Variants in RANBP2 observed in about 807,000 individuals in gnomAD.
The protein encoded by RANBP2 is E3 SUMO-protein ligase RanBP2.
Under a neutral mutation model 303.6 loss-of-function variants are expected in RANBP2, and 57 were observed. The observed-to-expected ratio is 0.19, with a 90% CI of 0.15 to 0.23. The LOEUF (loss-of-function observed/expected upper bound fraction) is 0.23. RANBP2 is among the 10% of genes least tolerant of loss of function. RANBP2 has a pLI of 1.00. For synonymous variants in RANBP2, 1,167 were observed against 1,301.5 expected (o/e 0.90, Z 2.23); for missense variants, 3,138 against 3,780.8 (o/e 0.83, Z 4.46).
At chr2:108,927,502 TAG>T in the RANBP2 span, among the ~76,000 whole-genome samples, 3 of 152,168 alleles carry the variant, frequency 2.0e-5, no homozygotes. Flanking sequence ...CTTCAGGCCA[TAG>T]AGTCAGCCCT....
the RANBP2 span, among the ~76,000 whole-genome samples, chr2:109,493,877 A>C: frequency 0.057 from 8,666 of 152,146 alleles, 340 homozygotes; most frequent in East Asian, 0.23. Flanking sequence ...CACACAACAC[A>C]CACCCACCTT....
chr2:109,661,246 CTT>C, the RANBP2 span, among the ~76,000 whole-genome samples: 26,146 of 137,684 alleles, frequency 0.19, 2,505 homozygotes, highest in Non-Finnish European at 0.23. Flanking sequence ...AGTAGAAGGG[CTT>C]TTTTTTTTTT....
At chr2:109,133,916 T>C in the RANBP2 span, among the ~76,000 whole-genome samples, 1 of 152,024 alleles carries the variant, frequency 6.6e-6, no homozygotes, top group African/African-American at 2.4e-5. Flanking sequence ...CTCTGGTGGG[T>C]GTGGGTGACT....
the RANBP2 span, among the ~76,000 whole-genome samples, chr2:109,406,493 A>G: frequency 2.0e-5 from 3 of 152,094 alleles, no homozygotes; most frequent in Non-Finnish European, 2.9e-5. Flanking sequence ...CACTCATACT[A>G]TGAGTCACCG....
At chr2:109,468,674 T>G in the RANBP2 span, among the ~76,000 whole-genome samples, 2 of 151,620 alleles carry the variant, frequency 1.3e-5, no homozygotes, top group Non-Finnish European at 2.9e-5. Flanking sequence ...GCCAACATGG[T>G]GAAACCCTGT....
At chr2:109,216,230 C>T in the RANBP2 span, among the ~76,000 whole-genome samples, 1 of 152,198 alleles carries the variant, frequency 6.6e-6, no homozygotes, top group African/African-American at 2.4e-5. Context: ...GCCTCCCTGC[C>T]TGCTTCCAGG....
At chr2:108,920,206 G>A in the RANBP2 span, among the ~76,000 whole-genome samples, 4 of 152,314 alleles carry the variant, frequency 2.6e-5, no homozygotes, top group East Asian at 5.8e-4. Flanking sequence ...AGTGCCTGGC[G>A]CCTGGCACTG....
chr2:108,768,201 A>G lies in RANBP2; in HGVS notation c.7662A>G (p.Lys2554=). ...GATTTAGTTTTAATGCACCTTTGAA[A>G]AGTAACAATAGTGAAACTAGTTCAG... The part of the protein sequence containing the change: ...LFGFSFNAPL[K]SNNSETSSVA... Residue 2554 remains lysine, a synonymous_variant, in exon 20 of 29, where the codon AAA becomes AAG. Coordinates refer to ENST00000283195, the MANE Select transcript of RANBP2 (RefSeq NM_006267.5). The G allele has an allele frequency of 1.2e-6, 2 of 1,612,026 alleles. No individual in the cohort carries two copies. The highest frequency in any genetic ancestry group is 2.2e-5 in the East Asian group (1 of 44,882).
chr2:108,764,791 C>T lies in RANBP2; in HGVS notation c.4252C>T (p.His1418Tyr). The part of the protein sequence containing the change: ...FALVTPKKEG[H>Y]WDCSICLVRN... ...ATTGGTGACTCCAAAGAAAGAAGGT[C>T]ACTGGGATTGTAGTATTTGTTTAGT... The change falls in exon 20 of 29, where the codon CAC becomes TAC. Residue 1418 changes from histidine (H) to tyrosine (Y), a missense_variant. By Grantham distance (83) the His-to-Tyr change is moderately conservative. Coordinates refer to ENST00000283195, the MANE Select transcript of RANBP2 (RefSeq NM_006267.5). The T allele has an allele frequency of 6.2e-7, 1 of 1,613,994 alleles. No individual in the cohort carries two copies. Among genetic ancestry groups the T allele is most frequent in the East Asian group, 2.2e-5 (1 of 44,874 alleles).
the RANBP2 span, among the ~76,000 whole-genome samples, chr2:109,103,692 G>C: frequency 1.3e-5 from 2 of 152,168 alleles, no homozygotes; most frequent in Admixed American, 6.5e-5. Flanking sequence ...TTCCTGTTCA[G>C]ACCTTTAAAA....
At chr2:109,054,362 T>A in the RANBP2 span, among the ~76,000 whole-genome samples, 1 of 152,186 alleles carries the variant, frequency 6.6e-6, no homozygotes, top group Non-Finnish European at 1.5e-5. Flanking sequence ...CATCTTTGTT[T>A]TTTTAAATTG....
chr2:109,489,296 G>A, the RANBP2 span, among the ~76,000 whole-genome samples: 2 of 152,226 alleles, frequency 1.3e-5, no homozygotes, highest in African/African-American at 2.4e-5. Context: ...ACCCTTCACC[G>A]GGCACTAAGC....
chr2:108,998,588 A>C, the RANBP2 span, among the ~76,000 whole-genome samples: 1 of 152,024 alleles, frequency 6.6e-6, no homozygotes, highest in African/African-American at 2.4e-5. Context: ...CCTGCTTCTG[A>C]CTTTCTCTTC....
the RANBP2 span, among the ~76,000 whole-genome samples, chr2:108,952,823 T>C: frequency 2.6e-5 from 4 of 152,242 alleles, no homozygotes; most frequent in African/African-American, 7.2e-5. Flanking sequence ...CTACTTTAAA[T>C]AGCACTGAGT....
At position 108,766,659 on chromosome 2, in the gene RANBP2, A is replaced by G. The variant is rs1056562628; in HGVS notation, c.6120A>G (p.Val2040=). 9.9e-6 allele frequency: 16 copies of G among 1,611,898 alleles called. No homozygotes were observed. The African/African-American group carries it at 2.0e-4, about 20-fold the overall frequency. Residue 2040 remains valine (V), a synonymous_variant, in exon 20 of 29, where the codon GTA becomes GTG. Coordinates refer to ENST00000283195, the MANE Select transcript of RANBP2 (RefSeq NM_006267.5). The part of the protein sequence containing the change: ...EDEKVLYSQR[V]KLFRFDAEVS... ...AAAAAGTTCTGTATTCACAGCGGGT[A>G]AAACTATTTAGATTTGATGCTGAGG...
the RANBP2 span, among the ~76,000 whole-genome samples, chr2:109,289,165 G>GTC: frequency 1.1e-4 from 16 of 151,794 alleles, no homozygotes; most frequent in African/African-American, 3.4e-4. Context: ...TCCATCCCCT[G>GTC]TCTCTCTCTC....
chr2:109,374,337 A>T, the RANBP2 span, among the ~76,000 whole-genome samples: 2 of 152,130 alleles, frequency 1.3e-5, no homozygotes, highest in Admixed American at 1.3e-4. Flanking sequence ...GCTCTGATAC[A>T]GGCTCCCGGA....
chr2:109,549,463 A>G, the RANBP2 span, among the ~76,000 whole-genome samples: 3 of 152,226 alleles, frequency 2.0e-5, no homozygotes, highest in East Asian at 5.8e-4. Context: ...ACTGGGTGGC[A>G]TTTCCAGCTC....
the RANBP2 span, among the ~76,000 whole-genome samples, chr2:109,061,812 G>A: frequency 6.6e-5 from 10 of 152,150 alleles, no homozygotes; most frequent in African/African-American, 2.4e-4. Flanking sequence ...AAGGTCTGGT[G>A]GGCCCGTGGA....
Sources: gnomAD v4.1 joint callset for allele counts (sites outside exome capture counted in the v4.1 genomes callset) on GRCh38, gnomAD v4.1.1 for gene constraint, MANE v1.5 for transcripts, NCBI Gene and HGNC (gene_info 2026-07-23, HGNC 2026-07-21) for gene names.